ROBO2: variants seen among roughly 807,000 people sequenced by gnomAD.
The protein encoded by ROBO2 is roundabout guidance receptor 2.
Under a neutral mutation model 160.8 loss-of-function variants are expected in ROBO2, and 53 were observed. The observed-to-expected ratio is 0.33, with a 90% CI of 0.26 to 0.41. ROBO2 has a LOEUF of 0.41. Ranked by LOEUF, ROBO2 falls within the 10% of genes least tolerant of loss-of-function variation. The probability of loss-of-function intolerance (pLI) is 1.00; values close to 1 mark genes in which losing one functional copy is unlikely to be tolerated. For synonymous variants in ROBO2, 664 were observed against 611.7 expected, an observed-to-expected ratio of 1.09 and a Z score of -1.26; for missense variants, 1,577 against 1,722.4, an observed-to-expected ratio of 0.92 and a Z score of 1.49.
At chr3:77,624,502 A>G (rs1583351273) in intron 23 of ROBO2, among the ~76,000 whole-genome samples, 1 of 152,154 alleles carries the variant, frequency 6.6e-6, no homozygotes, top group South Asian at 2.1e-4. Flanking sequence ...AGGTAGATGT[A>G]TATAGAGACT....
chr3:76,059,586 C>G (rs2067992734), intron 2 of ROBO2, among the ~76,000 whole-genome samples: 1 of 151,874 alleles, frequency 6.6e-6, no homozygotes, highest in Non-Finnish European at 1.5e-5. Flanking sequence ...AAAATTTTCT[C>G]CCATTCTGTA....
intron 2 of ROBO2, among the ~76,000 whole-genome samples, chr3:76,811,810 CTTCCTTCCTTCCTTCCTTCCTTCCTTCT>C (rs1560605876): frequency 1.9e-4 from 13 of 68,992 alleles, no homozygotes; most frequent in African/African-American, 3.1e-4. Flanking sequence ...TCCTTCCTTC[CTTCCTTCCTTCCTTCCTTCCTTCCTTCT>C]TTCCTTCCTT....
intron 2 of ROBO2, among the ~76,000 whole-genome samples, chr3:76,497,545 A>G (rs1175615395): frequency 6.6e-6 from 1 of 152,116 alleles, no homozygotes; most frequent in African/African-American, 2.4e-5. Flanking sequence ...CTAAAATAAT[A>G]TCTCTTGTCT....
At chr3:77,120,584 G>C (rs1416118480) in intron 2 of ROBO2, among the ~76,000 whole-genome samples, 5 of 152,168 alleles carry the variant, frequency 3.3e-5, no homozygotes, top group African/African-American at 1.2e-4. Context: ...ACGTCGTTAT[G>C]CTCATTTTAG....
intron 2 of ROBO2, among the ~76,000 whole-genome samples, chr3:76,580,342 GTT>G (rs71101901): frequency 4.0e-4 from 36 of 90,536 alleles, no homozygotes; most frequent in African/African-American, 1.1e-3. Context: ...TTTTTTTTGT[GTT>G]TTTTTTTTTG....
chr3:77,295,663 A>T (rs1382313562), intron 2 of ROBO2, among the ~76,000 whole-genome samples: 1 of 150,410 alleles, frequency 6.6e-6, no homozygotes, highest in Non-Finnish European at 1.5e-5. Context: ...CACCCCAGAC[A>T]TAAAGTAAAA....
At chr3:76,502,795 A>T (rs1326799753) in intron 2 of ROBO2, among the ~76,000 whole-genome samples, 1 of 152,202 alleles carries the variant, frequency 6.6e-6, no homozygotes, top group African/African-American at 2.4e-5. Context: ...TTTATTTGAT[A>T]TGTCTATAGG....
At chr3:76,497,666 G>A (rs1336515005) in intron 2 of ROBO2, among the ~76,000 whole-genome samples, 3 of 152,208 alleles carry the variant, frequency 2.0e-5, no homozygotes, top group Admixed American at 1.3e-4. Context: ...GGCAAGTCAC[G>A]TTGAAATCAG....
intron 2 of ROBO2, among the ~76,000 whole-genome samples, chr3:76,221,855 C>T (rs141723670): frequency 6.0e-4 from 92 of 152,100 alleles, no homozygotes; most frequent in South Asian, 2.9e-3. Context: ...ATGGTAGTTT[C>T]GGTGGAAGCA....
At chr3:76,953,116 C>T (rs970055873) in intron 2 of ROBO2, among the ~76,000 whole-genome samples, 1 of 152,162 alleles carries the variant, frequency 6.6e-6, no homozygotes, top group African/African-American at 2.4e-5. Context: ...GATTTAGAAT[C>T]TCTTCATCTT....
chr3:76,016,889 C>T (rs944047178), intron 2 of ROBO2, among the ~76,000 whole-genome samples: 1 of 151,914 alleles, frequency 6.6e-6, no homozygotes, highest in Non-Finnish European at 1.5e-5. Flanking sequence ...GAAGACTAAA[C>T]GTTTCAAGAG....
chr3:77,098,163 G>A, exon 2 of ROBO2: 1 of 1,614,208 alleles, frequency 6.2e-7, no homozygotes, highest in South Asian at 1.1e-5. Flanking sequence ...TGGGGAGCGA[G>A]TGGAGACTGA....
At chr3:75,961,191 AC>A in intron 2 of ROBO2, among the ~76,000 whole-genome samples, 1 of 151,730 alleles carries the variant, frequency 6.6e-6, no homozygotes, top group Non-Finnish European at 1.5e-5. Flanking sequence ...GGAGAATGGC[AC>A]TTTTTTTTAT....
intron 2 of ROBO2, among the ~76,000 whole-genome samples, chr3:76,277,335 C>T (rs369342116): frequency 1.3e-5 from 2 of 151,910 alleles, no homozygotes; most frequent in Non-Finnish European, 2.9e-5. Context: ...TAGACTCTAC[C>T]TACAATGCTG....
At chr3:76,547,397 C>T (rs1402287049) in intron 2 of ROBO2, among the ~76,000 whole-genome samples, 1 of 151,662 alleles carries the variant, frequency 6.6e-6, no homozygotes, top group Non-Finnish European at 1.5e-5. Flanking sequence ...TGTATAACAC[C>T]ACATGTTTTA....
intron 2 of ROBO2, among the ~76,000 whole-genome samples, chr3:76,061,798 A>T (rs2068078045): frequency 6.6e-6 from 1 of 152,162 alleles, no homozygotes; most frequent in African/African-American, 2.4e-5. Flanking sequence ...AGTGGGCTCA[A>T]ATCAAGGTAT....
intron 2 of ROBO2, among the ~76,000 whole-genome samples, chr3:76,695,730 G>C (rs2593871): frequency 4.0e-5 from 6 of 151,654 alleles, no homozygotes; most frequent in Admixed American, 3.3e-4. Context: ...GGTACCACTC[G>C]TTCTCCCATT....
intron 16 of ROBO2, among the ~76,000 whole-genome samples, chr3:77,585,589 A>G (rs1301971084): frequency 1.3e-5 from 2 of 152,132 alleles, no homozygotes; most frequent in African/African-American, 4.8e-5. Context: ...ATGTAATTAT[A>G]AAAATAGAAT....
At chr3:76,233,190 G>A (rs1446391139) in intron 2 of ROBO2, among the ~76,000 whole-genome samples, 1 of 151,612 alleles carries the variant, frequency 6.6e-6, no homozygotes, top group African/African-American at 2.4e-5. Flanking sequence ...TGTCTCCCCG[G>A]ATAGAATGCA....
Sources: allele counts gnomAD v4.1 joint callset (sites outside exome capture counted in the v4.1 genomes callset), GRCh38; gene constraint gnomAD v4.1.1; transcripts MANE v1.5; gene names NCBI Gene and HGNC (gene_info 2026-07-23, HGNC 2026-07-21).